Variants in PLXNA1 observed in about 807,000 individuals in gnomAD.
PLXNA1 encodes the protein plexin-A1.
PLXNA1 carries 77 observed loss-of-function variants against 191.7 expected under a neutral mutation model. The observed-to-expected ratio is 0.40, with a 90% CI of 0.33 to 0.49. The LOEUF (loss-of-function observed/expected upper bound fraction) is 0.49, where lower values mean the gene tolerates loss of function less well. Ranked by LOEUF, PLXNA1 falls within the 20% of genes least tolerant of loss-of-function variation. The pLI is 0.63. For missense variants in PLXNA1, 2,110 were observed against 2,660.2 expected (o/e 0.79, Z 4.55); for synonymous variants, 1,137 against 1,156.4 (o/e 0.98, Z 0.34).
At chr3:127,008,580 C>A (rs562533002) in intron 9 of PLXNA1, among the ~76,000 whole-genome samples, 2 of 152,168 alleles carry the variant, frequency 1.3e-5, no homozygotes, top group African/African-American at 4.8e-5. Flanking sequence ...TGGCAGCCCC[C>A]ACCCCCATCC....
At chr3:126,986,814 T>C (rs1467407408) in intron 1 of PLXNA1, among the ~76,000 whole-genome samples, 2 of 152,176 alleles carry the variant, frequency 1.3e-5, no homozygotes, top group Non-Finnish European at 2.9e-5. Context: ...CCACACTGCA[T>C]GTGGGCACCA....
At chr3:126,998,288 G>A in intron 3 of PLXNA1, among the ~76,000 whole-genome samples, 1 of 152,174 alleles carries the variant, frequency 6.6e-6, no homozygotes, top group East Asian at 1.9e-4. Flanking sequence ...GGGTCTTTGA[G>A]GGCCCAGGGC....
intron 8 of PLXNA1, among the ~76,000 whole-genome samples, chr3:127,006,660 G>C (rs763029834): frequency 6.6e-6 from 1 of 152,222 alleles, no homozygotes; most frequent in African/African-American, 2.4e-5. Context: ...GGTACCTGCT[G>C]CTTCTGGTTG....
chr3:127,018,800 A>G (rs952555319), intron 20 of PLXNA1, among the ~76,000 whole-genome samples: 1 of 152,200 alleles, frequency 6.6e-6, no homozygotes, highest in African/African-American at 2.4e-5. Context: ...GCTGGGCTAT[A>G]AGGCTGAAGG....
intron 20 of PLXNA1, 77 bp downstream of exon 20, chr3:127,018,605 C>T (rs952519010): frequency 3.4e-5 from 37 of 1,088,388 alleles, no homozygotes; most frequent in Non-Finnish European, 4.8e-5. Flanking sequence ...ACCTACTTCC[C>T]ACCGCCGCCC....
At chr3:127,012,246 A>G (rs1409542820) in intron 10 of PLXNA1, 88 bp downstream of exon 10, 15 of 1,371,452 alleles carry the variant, frequency 1.1e-5, no homozygotes, top group Non-Finnish European at 1.5e-5. Flanking sequence ...GTGCTTGTTC[A>G]TAAAGGGCAG....
rs1371618271 is a variant in PLXNA1 at position 127,004,587 on chromosome 3, G to A, written c.1519-24G>A. ...AGGACCCCTGGGGTGGTACTGGAGG[G>A]GCCTGACACCTCCCCCACACCAGGT... On this transcript the variant is annotated intron_variant, in intron 4 of 31. Coordinates refer to ENST00000393409, the MANE Select transcript of PLXNA1 (RefSeq NM_032242.4). 3 of 1,529,142 alleles carry A rather than the reference G, an allele frequency of 2.0e-6. No individual in the cohort carries two copies. The South Asian group carries it at 3.6e-5, about 18-fold the overall frequency. 94.7% of individuals were successfully genotyped at this position (1,529,142 alleles called of 1,614,324 possible).
At chr3:126,986,016 G>A (rs1345213874) in intron 1 of PLXNA1, among the ~76,000 whole-genome samples, 2 of 152,212 alleles carry the variant, frequency 1.3e-5, no homozygotes, top group Non-Finnish European at 2.9e-5. Flanking sequence ...GGGGCGGTGG[G>A]CCCAAGACCA....
Position 127,003,199 on chromosome 3 carries a change from G to A in PLXNA1, c.1378-131G>A, listed in dbSNP as rs577775666. ...GATGTGGAGAGTGAGTATGGCTGGC[G>A]CTGGTCCTCTCTGCTCATGCATGTC... On this transcript the variant is annotated intron_variant, in intron 3 of 31. Coordinates refer to ENST00000393409, the MANE Select transcript of PLXNA1 (RefSeq NM_032242.4). 23 of 1,033,000 alleles carry A rather than the reference G, an allele frequency of 2.2e-5. No homozygotes were observed. In the African/African-American group the frequency reaches 2.8e-4, roughly 12 times the overall value. 64.0% of individuals were successfully genotyped at this position (1,033,000 alleles called of 1,614,324 possible).
At position 127,036,386 on chromosome 3, in the gene PLXNA1, C is replaced by G. The variant is rs981518365; in HGVS notation, c.*2369C>G. 2.6e-5 allele frequency: 4 copies of G among 152,570 alleles called. No individual in the cohort carries two copies. Among genetic ancestry groups the G allele is most frequent in the African/African-American group, 9.6e-5 (4 of 41,464 alleles). The allele number at this position is 152,570 out of a possible 1,614,324, so 9.5% of individuals were successfully genotyped here. On this transcript the variant is annotated 3_prime_UTR_variant, in exon 32 of 32. Transcript: ENST00000393409. ...CAGTGGTGATGAAGGGGGTGCACCA[C>G]AGGCCTCATGAAGCAGTTCCCACAT...
chr3:127,014,279 C>A lies in PLXNA1; in HGVS notation c.2508C>A (p.Arg836=). 6.3e-7 allele frequency: 1 copy of A among 1,595,854 alleles called. No homozygotes were observed. The highest frequency in any genetic ancestry group is 1.1e-5 in the South Asian group (1 of 89,606). The change falls in exon 12 of 32, where the codon CGC becomes CGA. Residue 836 remains arginine, a synonymous_variant. Coordinates refer to ENST00000393409, the MANE Select transcript of PLXNA1 (RefSeq NM_032242.4). ...GCGGATGGTGCGTGGCCGAGCGCCG[C>A]TGCTCCCTGCGACACCACTGCGCTG... ...FECGWCVAER[R]CSLRHHCAAD... is the part of the protein sequence containing the mutation.
intron 4 of PLXNA1, 88 bp downstream of exon 4, chr3:127,003,558 A>G (rs1375214535): frequency 3.5e-6 from 5 of 1,416,362 alleles, no homozygotes; most frequent in South Asian, 3.1e-5. Flanking sequence ...GGGTGGGGCC[A>G]CATCACAAGT....
At chr3:127,018,844 G>A (rs1021567268) in intron 20 of PLXNA1, among the ~76,000 whole-genome samples, 6 of 152,200 alleles carry the variant, frequency 3.9e-5, no homozygotes, top group South Asian at 2.1e-4. Context: ...CAGTCTTGTC[G>A]TCTCTAGAGT....
chr3:127,012,338 C>A (rs573377719), intron 10 of PLXNA1, among the ~76,000 whole-genome samples, 180 bp downstream of exon 10: 10 of 152,366 alleles, frequency 6.6e-5, no homozygotes, highest in African/African-American at 2.4e-4. Flanking sequence ...TCAGATGTGC[C>A]TGGGTCATGT....
intron 2 of PLXNA1, 104 bp from the exon 3 acceptor site, chr3:126,991,280 A>G: frequency 3.8e-6 from 5 of 1,318,840 alleles, no homozygotes; most frequent in African/African-American, 2.9e-5. Flanking sequence ...GGCTACCCCC[A>G]ACCTCTCTAG....
At chr3:127,005,054 G>C in intron 6 of PLXNA1, 36 bp from the exon 7 acceptor site, 1 of 1,610,708 alleles carries the variant, frequency 6.2e-7, no homozygotes, top group Non-Finnish European at 8.5e-7. Flanking sequence ...ACAGCCATGG[G>C]GACCCTGCTC....
intron 22 of PLXNA1, 134 bp downstream of exon 22, chr3:127,022,475 T>A (rs1356802877): frequency 2.6e-6 from 3 of 1,169,382 alleles, no homozygotes; most frequent in Non-Finnish European, 3.6e-6. Flanking sequence ...ACCTGGCCTC[T>A]GAGGCTCAGC....
chr3:127,028,377 C>T lies in PLXNA1; in HGVS notation c.4669+37C>T, dbSNP rs1352185863. 5.0e-6 allele frequency: 8 copies of T among 1,588,854 alleles called. No individual in the cohort carries two copies. In the East Asian group the frequency reaches 1.6e-4, roughly 31 times the overall value. The stretch of plus-strand genomic sequence containing the variant: ...GGGCCACGGCTGCCCGGGGTGTGTG[C>T]TGGAGCAGAGGGGCAGGGCCATGGC... On this transcript the variant is annotated intron_variant, in intron 25 of 31. Transcript: ENST00000393409.
chr3:127,013,793 G>A (rs2079107273), intron 10 of PLXNA1, among the ~76,000 whole-genome samples: 1 of 152,232 alleles, frequency 6.6e-6, no homozygotes, highest in South Asian at 2.1e-4. Context: ...GTGACTGTGG[G>A]AAGCACAGAG....
Sources: gnomAD v4.1 joint callset for allele counts (sites outside exome capture counted in the v4.1 genomes callset) on GRCh38, gnomAD v4.1.1 for gene constraint, MANE v1.5 for transcripts, NCBI Gene and HGNC (gene_info 2026-07-23, HGNC 2026-07-21) for gene names.